Variants in HEATR5B observed in about 807,000 individuals in gnomAD.
HEATR5B encodes HEAT repeat containing 5B, also known as HEAT repeat-containing protein 5B.
HEATR5B carries 156 observed loss-of-function variants against 224.1 expected under a neutral mutation model. That is an observed-to-expected ratio of 0.70 (90% CI 0.61 to 0.80). The LOEUF is 0.80. Ranked by LOEUF, HEATR5B falls within the 30% of genes least tolerant of loss-of-function variation. The probability of loss-of-function intolerance (pLI) is 0.00; values close to 1 mark genes in which losing one functional copy is unlikely to be tolerated. For synonymous variants in HEATR5B, 1,027 were observed against 893.0 expected (o/e 1.15, Z -2.68); for missense variants, 2,323 against 2,535.5 (o/e 0.92, Z 1.80).
chr2:36,990,483 T>C (rs1442476154), intron 34 of HEATR5B, among the ~76,000 whole-genome samples, 165 bp downstream of exon 34: 3 of 152,226 alleles, frequency 2.0e-5, no homozygotes, highest in Non-Finnish European at 4.4e-5. Flanking sequence ...CATACACATG[T>C]GTTCTAGTGC....
At chr2:37,078,562 A>G (rs1037392330) in intron 3 of HEATR5B, among the ~76,000 whole-genome samples, 1 of 152,208 alleles carries the variant, frequency 6.6e-6, no homozygotes, top group South Asian at 2.1e-4. Flanking sequence ...AATCTCCTCT[A>G]AAACTTTTGA....
intron 16 of HEATR5B, among the ~76,000 whole-genome samples, chr2:37,053,937 T>C (rs2148536305): frequency 6.6e-6 from 1 of 151,932 alleles, no homozygotes; most frequent in South Asian, 2.1e-4. Flanking sequence ...CAATCATTAA[T>C]TATGTATCTC....
At chr2:37,048,604 A>G (rs1447409381) in intron 18 of HEATR5B, among the ~76,000 whole-genome samples, 1 of 152,230 alleles carries the variant, frequency 6.6e-6, no homozygotes, top group African/African-American at 2.4e-5. Flanking sequence ...TTAAATGGAT[A>G]ACTAAGATTG....
intron 33 of HEATR5B, among the ~76,000 whole-genome samples, chr2:36,994,782 C>T (rs1393864792): frequency 2.0e-5 from 3 of 152,100 alleles, no homozygotes; most frequent in South Asian, 2.1e-4. Context: ...GACAGAGTGT[C>T]GCTCTGTCGT....
At chr2:37,053,007 A>G (rs1286131901) in intron 17 of HEATR5B, among the ~76,000 whole-genome samples, 1 of 152,262 alleles carries the variant, frequency 6.6e-6, no homozygotes, top group Non-Finnish European at 1.5e-5. Flanking sequence ...GGACTACTGT[A>G]TTCTTCTTCA....
rs1483045440 is a variant in HEATR5B, at chr2:36,981,437, T to C, written c.*53A>G. 1 of 1,380,564 alleles carries C rather than the reference T, an allele frequency of 7.2e-7. No individual in the cohort carries two copies. The highest frequency in any genetic ancestry group is 1.5e-5 in the African/African-American group (1 of 68,872). The allele number at this position is 1,380,564 out of a possible 1,614,324, so 85.5% of individuals were successfully genotyped here. ...GTAGCCTGGAATGATACAGTGGCCA[T>C]CACTAATTAGGGGCTAGTTGACAAC... On this transcript the variant is annotated 3_prime_UTR_variant, in exon 36 of 36. Transcript: ENST00000233099.
At chr2:37,073,164 C>T (rs979200555) in intron 5 of HEATR5B, among the ~76,000 whole-genome samples, 7 of 152,164 alleles carry the variant, frequency 4.6e-5, no homozygotes, top group Admixed American at 1.3e-4. Context: ...ACTACATACC[C>T]ATATCCCTCA....
In HEATR5B at chr2:37,062,070, T is replaced by C. The variant is rs199825218; in HGVS notation, c.1585-20A>G. Reference sequence around the variant, plus strand: ...TACCATCTGCAAGAAAAGTTTAGAATTGGATTTTAATTCAAACAAGTTAAA... The same window carrying C: ...TACCATCTGCAAGAAAAGTTTAGAACTGGATTTTAATTCAAACAAGTTAAA... On this transcript the variant is annotated intron_variant, in intron 10 of 35. Transcript: ENST00000233099. 2.2e-6 allele frequency: 3 copies of C among 1,392,254 alleles called. No individual in the cohort carries two copies. Among genetic ancestry groups the C allele is most frequent in the African/African-American group, 1.4e-5 (1 of 70,502 alleles). The allele number at this position is 1,392,254 out of a possible 1,614,324, so 86.2% of individuals were successfully genotyped here.
chr2:37,000,168 C>T, intron 33 of HEATR5B, among the ~76,000 whole-genome samples: 1 of 151,974 alleles, frequency 6.6e-6, no homozygotes, highest in South Asian at 2.1e-4. Flanking sequence ...ACCTCCACCT[C>T]CCGGGTTCAA....
At chr2:37,016,084 TAAC>T (rs1668095573) in intron 26 of HEATR5B, among the ~76,000 whole-genome samples, 2 of 150,170 alleles carry the variant, frequency 1.3e-5, no homozygotes, top group Admixed American at 1.3e-4. Flanking sequence ...GTGTCACCTT[TAAC>T]AACAATAATT....
intron 8 of HEATR5B, 103 bp downstream of exon 8, chr2:37,068,578 C>A: frequency 8.1e-7 from 1 of 1,239,866 alleles, no homozygotes; most frequent in Non-Finnish European, 1.1e-6. Context: ...TATGAAAACA[C>A]ACAGAAAGAT....
intron 26 of HEATR5B, among the ~76,000 whole-genome samples, chr2:37,014,952 C>T (rs1356282764): frequency 2.7e-5 from 4 of 150,832 alleles, no homozygotes; most frequent in African/African-American, 4.9e-5. Context: ...ACTCCAGCCA[C>T]GACAGGGCGA....
At chr2:37,061,530 C>T (rs532069391) in intron 11 of HEATR5B, among the ~76,000 whole-genome samples, 3 of 152,276 alleles carry the variant, frequency 2.0e-5, no homozygotes, top group Non-Finnish European at 2.9e-5. Context: ...ATTTGTCACA[C>T]TACTTAAGAG....
At position 37,030,449 on chromosome 2, in the gene HEATR5B, T is replaced by C. The variant is rs192149166; in HGVS notation, c.3362-1529A>G. On this transcript the variant is annotated intron_variant, in intron 22 of 35. Coordinates refer to ENST00000233099, the MANE Select transcript of HEATR5B (RefSeq NM_019024.3). ...AACCAATAAATTAAGGGAAAATTAA[T>C]TGATTAATCACTGAGGACAAATTCC... Among the ~76,000 whole-genome samples the C allele has an allele frequency of 2.3e-3, 345 of 152,336 alleles. 1 individual carries two copies. Among genetic ancestry groups the C allele is most frequent in the South Asian group, 0.014 (67 of 4,826 alleles).
intron 2 of HEATR5B, among the ~76,000 whole-genome samples, chr2:37,082,875 A>G (rs867648732): frequency 6.6e-6 from 1 of 152,250 alleles, no homozygotes; most frequent in East Asian, 1.9e-4. Flanking sequence ...GGTCTCCCCA[A>G]ACGAGCTGGT....
rs1671958778 is a variant in HEATR5B, at chr2:37,072,377, C to T, written c.598-96G>A. The stretch of plus-strand genomic sequence containing the variant: ...AGACTTACCACCTCTCCTGAGATAA[C>T]CAAAAAACTCGACAAAATAAATGAA... On this transcript the variant is annotated intron_variant, in intron 5 of 35. Transcript: ENST00000233099. 5 of 740,216 alleles carry T rather than the reference C, an allele frequency of 6.8e-6. 1 individual carries two copies. The Admixed American group carries it at 1.4e-4, about 21-fold the overall frequency. The allele number at this position is 740,216 out of a possible 1,614,324, so 45.9% of individuals were successfully genotyped here.
chr2:37,013,292 G>A (rs375224379), intron 27 of HEATR5B, among the ~76,000 whole-genome samples: 1 of 152,180 alleles, frequency 6.6e-6, no homozygotes, highest in African/African-American at 2.4e-5. Context: ...GAATTCAATA[G>A]TAACTGGCAG....
intron 30 of HEATR5B, among the ~76,000 whole-genome samples, chr2:37,004,927 C>T (rs1029607751): frequency 6.6e-6 from 1 of 152,134 alleles, no homozygotes; most frequent in East Asian, 1.9e-4. Context: ...GTCTCCCTTC[C>T]CATCTCTTAC....
intron 16 of HEATR5B, chr2:37,055,048 G>T: frequency 2.6e-6 from 1 of 379,442 alleles, no homozygotes. Context: ...ACATTTTGAT[G>T]TACTTTAAAA....
Sources: allele counts gnomAD v4.1 joint callset (sites outside exome capture counted in the v4.1 genomes callset), GRCh38; gene constraint gnomAD v4.1.1; transcripts MANE v1.5; gene names NCBI Gene and HGNC (gene_info 2026-07-23, HGNC 2026-07-21).